The following OASL variants were observed in gnomAD, a reference collection of about 807,000 sequenced individuals.
OASL encodes the protein 2'-5'-oligoadenylate synthase-like protein.
Under a neutral mutation model 35.3 loss-of-function variants are expected in OASL, and 28 were observed. The observed-to-expected ratio is 0.79, with a 90% CI of 0.59 to 1.09. The LOEUF (loss-of-function observed/expected upper bound fraction) is 1.09, where lower values mean the gene tolerates loss of function less well. OASL is among the 50% of genes least tolerant of loss of function. The probability of loss-of-function intolerance (pLI) is 0.00; values close to 1 mark genes in which losing one functional copy is unlikely to be tolerated. For missense variants in OASL, 620 were observed against 635.2 expected, an observed-to-expected ratio of 0.98 and a Z score of 0.26; for synonymous variants, 252 against 254.6, an observed-to-expected ratio of 0.99 and a Z score of 0.10.
chr12:121,038,912 A>G (rs1188142368), exon 1 of OASL: 1 of 1,614,042 alleles, frequency 6.2e-7, no homozygotes, highest in Admixed American at 1.7e-5. Flanking sequence ...GCAGCCACTG[A>G]GCCACGAAGG....
At chr12:121,037,866 C>T (rs1354834279) in intron 1 of OASL, among the ~76,000 whole-genome samples, 1 of 151,662 alleles carries the variant, frequency 6.6e-6, no homozygotes, top group Non-Finnish European at 1.5e-5. Context: ...CCAAGGTGGG[C>T]ATATTCTTGA....
intron 1 of OASL, among the ~76,000 whole-genome samples, chr12:121,035,585 G>C (rs1161883331): frequency 6.6e-6 from 1 of 152,068 alleles, no homozygotes; most frequent in East Asian, 1.9e-4. Context: ...GGTACTAGGA[G>C]AATTATCTCC....
intron 1 of OASL, among the ~76,000 whole-genome samples, chr12:121,035,511 C>A (rs1240480020): frequency 9.6e-6 from 1 of 103,678 alleles, no homozygotes; most frequent in South Asian, 3.4e-4. Flanking sequence ...GGCGACACAG[C>A]GAGACTCCAT....
chr12:121,026,039 C>T (rs1188703471), intron 4 of OASL, among the ~76,000 whole-genome samples: 3 of 152,114 alleles, frequency 2.0e-5, no homozygotes, highest in Non-Finnish European at 4.4e-5. Context: ...GTCTGTGTCC[C>T]GTGACCAGGA....
At chr12:121,026,507 G>A (rs1013304227) in intron 4 of OASL, among the ~76,000 whole-genome samples, 1 of 152,158 alleles carries the variant, frequency 6.6e-6, no homozygotes, top group Non-Finnish European at 1.5e-5. Flanking sequence ...ACAAAGAGTG[G>A]GTATTGAAGT....
chr12:121,027,512 A>T, intron 4 of OASL, 64 bp downstream of exon 4: 1 of 1,601,474 alleles, frequency 6.2e-7, no homozygotes, highest in South Asian at 1.1e-5. Context: ...ACTCTATGCC[A>T]CGTTACACTA....
intron 3 of OASL, among the ~76,000 whole-genome samples, chr12:121,030,941 T>C (rs1395742021): frequency 6.6e-6 from 1 of 151,830 alleles, no homozygotes; most frequent in African/African-American, 2.4e-5. Context: ...GAAACCAGGC[T>C]GGTCAACATA....
downstream of OASL, among the ~76,000 whole-genome samples, chr12:121,017,952 GA>G (rs1374643596): frequency 6.6e-6 from 1 of 152,210 alleles, no homozygotes; most frequent in Non-Finnish European, 1.5e-5. Flanking sequence ...TTATTGTGGA[GA>G]CACCCACTGT....
chr12:121,029,426 C>T (rs1407719893), intron 3 of OASL, among the ~76,000 whole-genome samples: 6 of 152,158 alleles, frequency 3.9e-5, no homozygotes, highest in African/African-American at 9.7e-5. Flanking sequence ...CAGTGGCTCA[C>T]GCCTGTAATC....
At chr12:121,033,868 A>G in intron 1 of OASL, 125 bp from the exon 2 acceptor site, 1 of 930,486 alleles carries the variant, frequency 1.1e-6, no homozygotes, top group Non-Finnish European at 1.6e-6. Context: ...TGTGGGTAGT[A>G]CTAATACCCA....
At chr12:121,031,556 G>A (rs781684922) in exon 3 of OASL, 134 of 1,613,910 alleles carry the variant, frequency 8.3e-5, no homozygotes, top group Non-Finnish European at 3.8e-5. Context: ...CAGGACCACC[G>A]CAGGCCTTGA....
intron 3 of OASL, 59 bp from the exon 4 acceptor site, chr12:121,027,876 G>A: frequency 6.8e-7 from 1 of 1,469,048 alleles, no homozygotes; most frequent in Non-Finnish European, 9.5e-7. Flanking sequence ...TGTAAGGATG[G>A]CGTTGGACCA....
chr12:121,020,424 C>G, exon 6 of OASL: 1 of 940,574 alleles, frequency 1.1e-6, no homozygotes, highest in Non-Finnish European at 1.6e-6. Context: ...TGTGAGCTAC[C>G]ACGTCTGGCC....
chr12:121,020,318 A>T, exon 6 of OASL: 2 of 397,920 alleles, frequency 5.0e-6, no homozygotes, highest in Non-Finnish European at 9.1e-6. Flanking sequence ...TTTATTTTGT[A>T]GAGACGGGGT....
At chr12:121,023,291 T>TTC (rs1555215046) in intron 5 of OASL, among the ~76,000 whole-genome samples, 15 of 139,370 alleles carry the variant, frequency 1.1e-4, no homozygotes, top group Non-Finnish European at 1.3e-4. Flanking sequence ...TTTTTTCTTT[T>TTC]TTTCTTTTTT....
At chr12:121,038,869 C>G in exon 1 of OASL, 1 of 1,614,182 alleles carries the variant, frequency 6.2e-7, no homozygotes, top group African/African-American at 1.3e-5. Context: ...CGCACAGCGT[C>G]TAGCACCTCT....
chr12:121,021,105 G>A (rs936675851), intron 5 of OASL, 47 bp from the exon 6 acceptor site: 1 of 1,500,132 alleles, frequency 6.7e-7, no homozygotes, highest in East Asian at 2.3e-5. Flanking sequence ...ACACTTCTTT[G>A]TCTGATGTGC....
At chr12:121,033,668 G>A (rs761944435) in exon 2 of OASL, 2 of 1,614,092 alleles carry the variant, frequency 1.2e-6, no homozygotes, top group Admixed American at 1.7e-5. Flanking sequence ...TGGAAGCTGT[G>A]GAAACAGCTC....
exon 3 of OASL, chr12:121,031,483 G>A (rs1169306986): frequency 1.2e-6 from 2 of 1,613,834 alleles, no homozygotes; most frequent in South Asian, 2.2e-5. Context: ...AGGCTCTTCA[G>A]CTTAGTTGGC....
Sources: allele counts gnomAD v4.1 joint callset (sites outside exome capture counted in the v4.1 genomes callset), GRCh38; gene constraint gnomAD v4.1.1; transcripts MANE v1.5; gene names NCBI Gene and HGNC (gene_info 2026-07-23, HGNC 2026-07-21).